Variants in GDPGP1 observed in about 807,000 individuals in gnomAD.
GDPGP1 encodes the protein GDP-D-glucose phosphorylase C15orf58.
Under a neutral mutation model 19.2 loss-of-function variants are expected in GDPGP1, and 18 were observed. The observed-to-expected ratio is 0.94, with a 90% CI of 0.65 to 1.39. The LOEUF (loss-of-function observed/expected upper bound fraction) is 1.39, where lower values mean the gene tolerates loss of function less well. Ranked by LOEUF, GDPGP1 falls within the 40% of genes most tolerant of loss-of-function variation. The pLI, the probability that GDPGP1 is intolerant of heterozygous loss-of-function variation, is 0.00. For synonymous variants in GDPGP1, 219 were observed against 208.9 expected (o/e 1.05, Z -0.42); for missense variants, 449 against 490.5 (o/e 0.92, Z 0.80).
intron 2 of GDPGP1, among the ~76,000 whole-genome samples, chr15:90,236,690 C>T (rs1210793653): frequency 2.6e-5 from 4 of 151,826 alleles, no homozygotes; most frequent in African/African-American, 7.3e-5. Flanking sequence ...TGCACCACCA[C>T]GCCCAGCTAA....
At position 90,243,544 on chromosome 15, in the gene GDPGP1, G is replaced by C. The variant is rs571327761; in HGVS notation, c.*1478G>C. On this transcript the variant is annotated 3_prime_UTR_variant, in exon 4 of 4. Transcript: ENST00000329600. ...AAATTTTTTGTAGAGATAGGGTCTT[G>C]CTATGTTGCCCGGGTTGCTGTCAAA... 19 of 150,620 alleles carry C rather than the reference G, an allele frequency of 1.3e-4. No individual in the cohort carries two copies. The highest frequency in any genetic ancestry group is 2.6e-4 in the Non-Finnish European group (18 of 68,118). 9.3% of individuals were successfully genotyped at this position (150,620 alleles called of 1,614,324 possible). A position where few individuals can be genotyped will look rare whatever the true frequency, so the allele number is the denominator to read the frequency against.
rs762544403 is a variant in GDPGP1 at position 90,241,250 on chromosome 15, T to C, written c.342T>C (p.Ser114=). 6 of 1,613,364 alleles carry C rather than the reference T, an allele frequency of 3.7e-6. No individual in the cohort carries two copies. The highest frequency in any genetic ancestry group is 1.1e-5 in the South Asian group (1 of 91,032). ...GGAGGCCCCCGCAGACCATCAAGAG[T>C]GTGAGGCAGGCATTTGACCCTGTAC... The part of the protein sequence containing the change: ...VQRRPPQTIK[S]VRQAFDPVQF... Residue 114 remains serine (S), a synonymous_variant, in exon 4 of 4, where the codon AGT becomes AGC. Transcript: ENST00000329600.
chr15:90,241,641 CA>C lies in GDPGP1; in HGVS notation c.734del (p.His245LeufsTer25). On this transcript the variant is annotated frameshift_variant, in exon 4 of 4. Coordinates refer to ENST00000329600, the MANE Select transcript of GDPGP1 (RefSeq NM_001013657.3). LOFTEE classifies it high-confidence loss of function. Reference sequence around the variant, plus strand: ...GCCCCTGGACCCTGGAGGCCATTTGCATCTGCTCCAGGACCTCCCAGCTCCT... The same window carrying C: ...GCCCCTGGACCCTGGAGGCCATTTGCTCTGCTCCAGGACCTCCCAGCTCCT... Reference protein sequence around the residue: ...SEPLDPGGHLHLLQDLPAPGF... With the variant: ...SEPLDPGGHLXLLQDLPAPGF... 6.2e-7 allele frequency: 1 copy of C among 1,614,202 alleles called. No homozygotes were observed. The highest frequency in any genetic ancestry group is 1.7e-4 in the Middle Eastern group (1 of 6,060).
At chr15:90,240,727 C>T (rs1254951729) in intron 3 of GDPGP1, among the ~76,000 whole-genome samples, 173 bp from the exon 4 acceptor site, 6 of 151,792 alleles carry the variant, frequency 4.0e-5, no homozygotes, top group Non-Finnish European at 7.4e-5. Flanking sequence ...GCGGGAGAAC[C>T]GCTTGAACCC....
rs182830938 is a variant in GDPGP1, at chr15:90,241,287, A to C, written c.379A>C (p.Asn127His). The C allele has an allele frequency of 6.2e-7, 1 of 1,614,152 alleles. No homozygotes were observed. The highest frequency in any genetic ancestry group is 1.3e-5 in the African/African-American group (1 of 75,012). ...QAFDPVQFNF[N>H]KIRPGEVLFR... ...ATTTGACCCTGTACAGTTCAACTTC[A>C]ACAAGATCCGGCCCGGAGAAGTCCT... Residue 127 changes from asparagine (N) to histidine (H), a missense_variant, in exon 4 of 4, where the codon AAC becomes CAC. Coordinates refer to ENST00000329600, the MANE Select transcript of GDPGP1 (RefSeq NM_001013657.3).
chr15:90,241,478 T>C lies in GDPGP1; in HGVS notation c.570T>C (p.Ile190=), dbSNP rs766767553. ...RLLPGALRAG[I]EAVLLSLHPG... is the part of the protein sequence containing the mutation. ...TGCCGGGTGCACTGAGGGCAGGGATTGAGGCTGTGCTGCTGAGCTTACACC... is the reference window on the plus strand; with the variant it reads ...TGCCGGGTGCACTGAGGGCAGGGATCGAGGCTGTGCTGCTGAGCTTACACC... Residue 190 remains isoleucine, a synonymous_variant, in exon 4 of 4, where the codon ATT becomes ATC. Coordinates refer to ENST00000329600, the MANE Select transcript of GDPGP1 (RefSeq NM_001013657.3). 6.2e-7 allele frequency: 1 copy of C among 1,613,792 alleles called. No homozygotes were observed.
rs979036016 is a variant in GDPGP1, at chr15:90,244,384, CTCATTGCTTTGT to C, written c.*2321_*2332del. On this transcript the variant is annotated 3_prime_UTR_variant, in exon 4 of 4. Transcript: ENST00000329600. The stretch of plus-strand genomic sequence containing the variant: ...GTCAATGTGGGAAATTTTTTTTTAT[CTCATTGCTTTGT>C]TCTGTCCTGTTTCTCCAGACATTTC... 2 of 152,092 alleles carry C rather than the reference CTCATTGCTTTGT, an allele frequency of 1.3e-5. No individual in the cohort carries two copies. The highest frequency in any genetic ancestry group is 1.3e-4 in the Admixed American group (2 of 15,258). 9.4% of individuals were successfully genotyped at this position (152,092 alleles called of 1,614,324 possible).
rs4031525 is a variant in GDPGP1, at chr15:90,239,305, ATGTGTGTG to A, written c.-10+785_-10+792del. ...ATAGTTGATCTATATGAGACATAAA[ATGTGTGTG>A]TGTGTGTGTGTGTGTGTGTGTGTGT... On this transcript the variant is annotated intron_variant, in intron 3 of 3. Transcript: ENST00000329600. 4.6e-3 allele frequency among the ~76,000 whole-genome samples: 680 copies of A among 147,972 alleles called. 5 individuals are homozygous for A. Among genetic ancestry groups the A allele is most frequent in the African/African-American group, 0.013 (510 of 40,152 alleles).
At chr15:90,236,086 T>G (rs189369479) in intron 2 of GDPGP1, 1 of 152,400 alleles carries the variant, frequency 6.6e-6, no homozygotes, top group African/African-American at 2.4e-5. Context: ...TTGCCCAGGC[T>G]GGAGTGCAAT....
intron 3 of GDPGP1, among the ~76,000 whole-genome samples, chr15:90,240,539 A>G (rs1211535943): frequency 6.7e-6 from 1 of 149,226 alleles, no homozygotes; most frequent in Non-Finnish European, 1.5e-5. Context: ...TAAGCTGTGC[A>G]TGTTGGTTCA....
rs748776567 is a variant in GDPGP1 at position 90,240,980 on chromosome 15, A to C, written c.72A>C (p.Gln24His). Residue 24 changes from glutamine (Q) to histidine (H), a missense_variant, in exon 4 of 4, where the codon CAA (glutamine) becomes CAC (histidine). Transcript: ENST00000329600. The part of the protein sequence containing the change: ...LPPNNEDWGR[Q>H]TIPDFVYGQK... ...CCAACAATGAGGACTGGGGCAGGCAAACCATTCCTGACTTTGTTTATGGGC... is the reference window on the plus strand; with the variant it reads ...CCAACAATGAGGACTGGGGCAGGCACACCATTCCTGACTTTGTTTATGGGC... The C allele has an allele frequency of 6.2e-7, 1 of 1,613,910 alleles. No individual in the cohort carries two copies. Among genetic ancestry groups the C allele is most frequent in the Non-Finnish European group, 8.5e-7 (1 of 1,179,984 alleles).
At position 90,238,485 on chromosome 15, in the gene GDPGP1, C is replaced by T. The variant is rs1361733950; in HGVS notation, c.-66-7C>T. 6.6e-6 allele frequency: 1 copy of T among 152,120 alleles called. No homozygotes were observed. The highest frequency in any genetic ancestry group is 1.5e-5 in the Non-Finnish European group (1 of 68,030). The allele number at this position is 152,120 out of a possible 1,614,324, so 9.4% of individuals were successfully genotyped here. A position where few individuals can be genotyped will look rare whatever the true frequency, so the allele number is the denominator to read the frequency against. On this transcript the variant is annotated splice_polypyrimidine_tract_variant and splice_region_variant and intron_variant, in intron 2 of 3. Coordinates refer to ENST00000329600, the MANE Select transcript of GDPGP1 (RefSeq NM_001013657.3). ...TTTTGTTTCCTTTCTGTTTTATTAA[C>T]ATGAAGTTTCTGGAGCAGCAGAGCT... is the stretch of plus-strand genomic sequence containing the variant.
chr15:90,236,466 T>C (rs1962638974), intron 2 of GDPGP1, among the ~76,000 whole-genome samples: 1 of 152,262 alleles, frequency 6.6e-6, no homozygotes, highest in African/African-American at 2.4e-5. Flanking sequence ...TTCATTTTGC[T>C]TCCTGATTCA....
chr15:90,238,008 A>G (rs1962671542), intron 2 of GDPGP1, among the ~76,000 whole-genome samples: 2 of 152,114 alleles, frequency 1.3e-5, no homozygotes, highest in South Asian at 4.1e-4. Context: ...CTTCACTTTT[A>G]AACATTTTTG....
intron 2 of GDPGP1, among the ~76,000 whole-genome samples, chr15:90,235,728 C>A (rs961483294): frequency 6.6e-6 from 1 of 152,002 alleles, no homozygotes; most frequent in Non-Finnish European, 1.5e-5. Context: ...CCACCACACC[C>A]GGCTAATTTT....
At chr15:90,236,195 C>A (rs969102700) in intron 2 of GDPGP1, 1 of 152,244 alleles carries the variant, frequency 6.6e-6, no homozygotes, top group Non-Finnish European at 1.5e-5. Flanking sequence ...TGTGCCACCA[C>A]ACCCAGCTAG....
At chr15:90,237,124 A>G (rs1017568529) in intron 2 of GDPGP1, among the ~76,000 whole-genome samples, 5 of 150,322 alleles carry the variant, frequency 3.3e-5, no homozygotes, top group African/African-American at 7.4e-5. Context: ...ACACCTGGCT[A>G]ATTTTTTTGT....
chr15:90,234,628 GT>G (rs956805695), intron 2 of GDPGP1, 32 bp downstream of exon 2: 3 of 146,080 alleles, frequency 2.1e-5, no homozygotes, highest in African/African-American at 5.6e-5. Flanking sequence ...ATGGAAATAC[GT>G]AAGTCCAAAG....
At chr15:90,240,462 C>T (rs948432009) in intron 3 of GDPGP1, among the ~76,000 whole-genome samples, 4 of 151,282 alleles carry the variant, frequency 2.6e-5, no homozygotes, top group East Asian at 3.9e-4. Flanking sequence ...GAGCCAAGAT[C>T]GCGCCACTGC....
Sources: gnomAD v4.1 joint callset for allele counts (sites outside exome capture counted in the v4.1 genomes callset) on GRCh38, gnomAD v4.1.1 for gene constraint, MANE v1.5 for transcripts, NCBI Gene and HGNC (gene_info 2026-07-23, HGNC 2026-07-21) for gene names.